Variants in FGF12 observed in about 807,000 individuals in gnomAD.
FGF12 encodes fibroblast growth factor 12B.
In FGF12, 14 loss-of-function variants were observed where a neutral mutation model predicts 23.6. That is an observed-to-expected ratio of 0.59 (90% CI 0.39 to 0.93). FGF12 has a LOEUF of 0.93. Ranked by LOEUF, FGF12 falls within the 40% of genes least tolerant of loss-of-function variation. The probability of loss-of-function intolerance (pLI) is 0.00; values close to 1 mark genes in which losing one functional copy is unlikely to be tolerated. For missense variants in FGF12, 175 were observed against 217.8 expected, an observed-to-expected ratio of 0.80 and a Z score of 1.24; for synonymous variants, 62 against 77.3, an observed-to-expected ratio of 0.80 and a Z score of 1.04.
rs1576975783 is a variant in FGF12, at chr3:192,429,787, A to T, written c.14-69249T>A. On this transcript the variant is annotated intron_variant, in intron 2 of 5. Transcript: ENST00000445105. Reference sequence around the variant, plus strand: ...ATTTGAGAAGATATCTCTTAACGCCATTCTGGAAAAAAAATGCAGCTGGTG... The same window carrying T: ...ATTTGAGAAGATATCTCTTAACGCCTTTCTGGAAAAAAAATGCAGCTGGTG... 2.7e-5 allele frequency among the ~76,000 whole-genome samples: 3 copies of T among 109,964 alleles called. No homozygotes were observed. The South Asian group carries it at 9.3e-4, about 34-fold the overall frequency. 72.1% of individuals were successfully genotyped at this position (109,964 alleles called of 152,430 possible). A position where few individuals can be genotyped will look rare whatever the true frequency, so the allele number is the denominator to read the frequency against.
chr3:192,685,055 G>A (rs1231674058), intron 2 of FGF12, among the ~76,000 whole-genome samples: 2 of 152,020 alleles, frequency 1.3e-5, no homozygotes, highest in Non-Finnish European at 2.9e-5. Context: ...TACAAAGTTA[G>A]TATCTTTTTT....
chr3:192,456,417 T>C (rs1047078588), intron 2 of FGF12, among the ~76,000 whole-genome samples: 2 of 152,218 alleles, frequency 1.3e-5, no homozygotes, highest in Admixed American at 1.3e-4. Flanking sequence ...TGCAATTAGA[T>C]AGTTTTGAAT....
chr3:192,242,726 C>T (rs1178591384), intron 4 of FGF12, among the ~76,000 whole-genome samples: 1 of 151,916 alleles, frequency 6.6e-6, no homozygotes, highest in Non-Finnish European at 1.5e-5. Context: ...AAAGTTAAAA[C>T]CAGTCCTTAC....
chr3:192,464,281 C>T (rs1175899483), intron 2 of FGF12, among the ~76,000 whole-genome samples: 1 of 152,118 alleles, frequency 6.6e-6, no homozygotes, highest in East Asian at 1.9e-4. Context: ...TTGTATCCCT[C>T]ACCCCCCTCC....
chr3:192,518,560 T>C (rs769491066), intron 2 of FGF12, among the ~76,000 whole-genome samples: 21 of 152,208 alleles, frequency 1.4e-4, no homozygotes, highest in Non-Finnish European at 2.6e-4. Flanking sequence ...TAATAACATA[T>C]AAAGAATCAT....
intron 2 of FGF12, among the ~76,000 whole-genome samples, chr3:192,691,449 GA>G (rs1401399925): frequency 6.6e-6 from 1 of 151,650 alleles, no homozygotes; most frequent in African/African-American, 2.4e-5. Context: ...ATGAGTCAAA[GA>G]AAAAAATCAA....
At chr3:192,230,482 C>T (rs1718962374) in intron 4 of FGF12, among the ~76,000 whole-genome samples, 2 of 152,022 alleles carry the variant, frequency 1.3e-5, no homozygotes, top group South Asian at 4.1e-4. Context: ...ATGTAAACTG[C>T]CTTGAGAAAC....
rs145945665 is a variant in FGF12, at chr3:192,310,674, A to G, written c.228+24687T>C. On this transcript the variant is annotated intron_variant, in intron 4 of 5. Transcript: ENST00000445105. ...ACAGAAAGTAAAAATCTGTTTTGCA[A>G]TTTAATACCTACTCAAATGTACCAC... Among the ~76,000 whole-genome samples the G allele has an allele frequency of 5.7e-3, 870 of 152,318 alleles. 6 individuals carry two copies. The highest frequency in any genetic ancestry group is 0.01 in the Middle Eastern group (3 of 294).
chr3:192,263,878 T>C (rs1525906), intron 4 of FGF12, among the ~76,000 whole-genome samples: 50,048 of 151,902 alleles, frequency 0.33, 9,429 homozygotes, highest in East Asian at 0.89. Context: ...GGCTCATAAA[T>C]GCAGTCCAAC....
intron 2 of FGF12, among the ~76,000 whole-genome samples, chr3:192,632,238 A>C (rs1173670050): frequency 6.6e-6 from 1 of 152,192 alleles, no homozygotes; most frequent in East Asian, 1.9e-4. Flanking sequence ...AGAGCATGGA[A>C]TTCAACACCC....
In FGF12 at chr3:192,142,517, A is replaced by T. The variant is rs1713456405; in HGVS notation, c.*1492T>A. On this transcript the variant is annotated 3_prime_UTR_variant, in exon 6 of 6. Coordinates refer to ENST00000445105, the MANE Select transcript of FGF12 (RefSeq NM_004113.6). ...TGTGTTTTTTTTTCTTTAAATTTGG[A>T]TGTCTCTACACCACTCCTGATTTGT... 2 of 152,172 alleles carry T rather than the reference A, an allele frequency of 1.3e-5. No homozygotes were observed. Among genetic ancestry groups the T allele is most frequent in the South Asian group, 4.2e-4 (2 of 4,818 alleles). The allele number at this position is 152,172 out of a possible 1,614,324, so 9.4% of individuals were successfully genotyped here.
intron 2 of FGF12, among the ~76,000 whole-genome samples, chr3:192,682,633 T>G (rs1216665272): frequency 6.6e-6 from 1 of 152,192 alleles, no homozygotes; most frequent in Admixed American, 6.5e-5. Context: ...CCTGGGCTTC[T>G]GGGATGGAGA....
chr3:192,179,694 T>C (rs1008696868), intron 4 of FGF12, among the ~76,000 whole-genome samples: 5 of 151,898 alleles, frequency 3.3e-5, no homozygotes, highest in Non-Finnish European at 7.4e-5. Flanking sequence ...TACAGGTGTG[T>C]GCCACCACAC....
At chr3:192,297,214 AC>A (rs1391571965) in intron 4 of FGF12, among the ~76,000 whole-genome samples, 1 of 152,198 alleles carries the variant, frequency 6.6e-6, no homozygotes, top group Non-Finnish European at 1.5e-5. Context: ...TAGCCCACAA[AC>A]AAGACCGATT....
chr3:192,418,256 C>T (rs1351703154), intron 2 of FGF12, among the ~76,000 whole-genome samples: 1 of 152,066 alleles, frequency 6.6e-6, no homozygotes, highest in African/African-American at 2.4e-5. Context: ...AGGCCAGGAG[C>T]TACATACTAC....
intron 3 of FGF12, among the ~76,000 whole-genome samples, chr3:192,351,168 A>G (rs935519447): frequency 1.3e-5 from 2 of 152,170 alleles, no homozygotes; most frequent in African/African-American, 4.8e-5. Context: ...AACAAAAATC[A>G]TTGTCATCTT....
chr3:192,275,147 G>A (rs758892473), intron 4 of FGF12, among the ~76,000 whole-genome samples: 3 of 152,024 alleles, frequency 2.0e-5, no homozygotes, highest in Non-Finnish European at 4.4e-5. Flanking sequence ...GAAGCCATTC[G>A]TTTAGACTGA....
intron 2 of FGF12, among the ~76,000 whole-genome samples, chr3:192,636,745 T>C (rs1715598646): frequency 6.6e-6 from 1 of 152,194 alleles, no homozygotes; most frequent in Non-Finnish European, 1.5e-5. Flanking sequence ...GACTTCTCCC[T>C]GATGACTCAG....
chr3:192,406,031 G>A (rs2108774483), intron 2 of FGF12, among the ~76,000 whole-genome samples: 1 of 152,246 alleles, frequency 6.6e-6, no homozygotes, highest in Non-Finnish European at 1.5e-5. Flanking sequence ...TCACCAGTCA[G>A]GATCCTCTCT....
Sources: gnomAD v4.1 joint callset for allele counts (sites outside exome capture counted in the v4.1 genomes callset) on GRCh38, gnomAD v4.1.1 for gene constraint, MANE v1.5 for transcripts, NCBI Gene and HGNC (gene_info 2026-07-23, HGNC 2026-07-21) for gene names.